Variants in SARDH observed in about 807,000 individuals in gnomAD.
SARDH encodes the protein sarcosine dehydrogenase, mitochondrial.
In SARDH, 95 loss-of-function variants were observed where a neutral mutation model predicts 109.1. That is an observed-to-expected ratio of 0.87 (90% CI 0.74 to 1.03). The LOEUF is 1.03. Ranked by LOEUF, SARDH falls within the 50% of genes least tolerant of loss-of-function variation. The pLI, the probability that SARDH is intolerant of heterozygous loss-of-function variation, is 0.00. For synonymous variants in SARDH, 572 were observed against 534.8 expected (o/e 1.07, Z -0.96); for missense variants, 1,267 against 1,287.8 (o/e 0.98, Z 0.25).
rs1829956395 is a variant in SARDH, at chr9:133,663,645, CACTT to C, written c.*240_*243del. 1 of 548,384 alleles carries C rather than the reference CACTT, an allele frequency of 1.8e-6. No individual in the cohort carries two copies. Among genetic ancestry groups the C allele is most frequent in the Non-Finnish European group, 3.2e-6 (1 of 308,824 alleles). The allele number at this position is 548,384 out of a possible 1,614,324, so 34.0% of individuals were successfully genotyped here. A position where few individuals can be genotyped will look rare whatever the true frequency, so the allele number is the denominator to read the frequency against. The stretch of plus-strand genomic sequence containing the variant: ...CAAGCCATGGTCCCTGAGCCCAAGA[CACTT>C]ACAGGTTTGCTTTCTGGGAGGATTG... On this transcript the variant is annotated 3_prime_UTR_variant, in exon 21 of 21. Transcript: ENST00000439388.
intron 16 of SARDH, among the ~76,000 whole-genome samples, chr9:133,685,560 G>A (rs1035770779): frequency 1.7e-4 from 26 of 152,182 alleles, no homozygotes; most frequent in Non-Finnish European, 2.9e-5. Flanking sequence ...ATTCTTAGAT[G>A]GGGAAGTGAG....
chr9:133,661,212 G>A (rs534217846), downstream of SARDH, among the ~76,000 whole-genome samples: 4 of 151,984 alleles, frequency 2.6e-5, no homozygotes, highest in East Asian at 3.9e-4. Context: ...GTGGTGGTGC[G>A]CGTTTGTAAT....
intron 11 of SARDH, among the ~76,000 whole-genome samples, chr9:133,708,064 C>G (rs10993773): frequency 1.3e-5 from 2 of 152,122 alleles, no homozygotes; most frequent in Non-Finnish European, 2.9e-5. Context: ...CAGAAGCCCC[C>G]GGGTGGGAGG....
chr9:133,733,003 G>A (rs536181034), intron 2 of SARDH, among the ~76,000 whole-genome samples: 2 of 152,294 alleles, frequency 1.3e-5, no homozygotes, highest in South Asian at 4.1e-4. Flanking sequence ...ACCCACTACT[G>A]AATGAAGCTT....
intron 8 of SARDH, among the ~76,000 whole-genome samples, chr9:133,716,742 G>C (rs940620895): frequency 6.7e-6 from 1 of 150,154 alleles, no homozygotes; most frequent in African/African-American, 2.5e-5. Context: ...GCCAGAGTTA[G>C]GGGAATCTTG....
chr9:133,663,983 T>C lies in SARDH; in HGVS notation c.2663A>G (p.Tyr888Cys), dbSNP rs1029382156. The C allele has an allele frequency of 6.2e-7, 1 of 1,614,158 alleles. No individual in the cohort carries two copies. The highest frequency in any genetic ancestry group is 8.5e-7 in the Non-Finnish European group (1 of 1,180,022). Residue 888 changes from tyrosine to cysteine, a missense_variant, in exon 21 of 21, where the codon TAT (tyrosine) becomes TGT (cysteine). By Grantham distance (194) the Tyr-to-Cys change is radical. Coordinates refer to ENST00000439388, the MANE Select transcript of SARDH (RefSeq NM_001134707.2). ...VSLDFVKSGDYALERMGVTYG... is the reference protein window; with the variant it reads ...VSLDFVKSGDCALERMGVTYG... Reference sequence around the variant, plus strand: ...GGTCACCCCCATTCTCTCCAGGGCATAGTCCCCGCTCTTCACAAAGTCCAG... The same window carrying C: ...GGTCACCCCCATTCTCTCCAGGGCACAGTCCCCGCTCTTCACAAAGTCCAG...
Position 133,718,647 on chromosome 9 carries a change from ACTTGTGTGCTCTCATGCC to A in SARDH, c.1020+273_1020+290del. The A allele has an allele frequency of 1.3e-6, 1 of 779,014 alleles. No homozygotes were observed. The highest frequency in any genetic ancestry group is 1.3e-5 in the South Asian group (1 of 74,600). The allele number at this position is 779,014 out of a possible 1,614,324, so 48.3% of individuals were successfully genotyped here. A position where few individuals can be genotyped will look rare whatever the true frequency, so the allele number is the denominator to read the frequency against. On this transcript the variant is annotated intron_variant, in intron 7 of 20. Coordinates refer to ENST00000439388, the MANE Select transcript of SARDH (RefSeq NM_001134707.2). This position sits in a 1 kb window ranked among gnomAD's most constrained non-coding sequence, Gnocchi z 4.2. ...AGTGTCATTTGCTGAAGGACGTAGGACTTGTGTGCTCTCATGCCCTTCTGAGGTCATCACTCCACACTG... is the reference window on the plus strand; with the variant it reads ...AGTGTCATTTGCTGAAGGACGTAGGACTTCTGAGGTCATCACTCCACACTG...
intron 20 of SARDH, among the ~76,000 whole-genome samples, chr9:133,665,989 G>A (rs538576166): frequency 2.0e-5 from 3 of 152,292 alleles, no homozygotes; most frequent in Middle Eastern, 3.4e-3. Context: ...CAGAAAGATG[G>A]GAAAAGGAGG....
In SARDH at chr9:133,692,558, C is replaced by T. The variant is rs955770253; in HGVS notation, c.1921+1700G>A. Among the ~76,000 whole-genome samples the T allele has an allele frequency of 4.6e-5, 7 of 152,132 alleles. No individual in the cohort carries two copies. The highest frequency in any genetic ancestry group is 3.3e-4 in the Admixed American group (5 of 15,280). ...CTCCTCCAGGAAGCCTTGCTCATCC[C>T]GGCTCGGCGGCTTCACATGGCCTTC... On this transcript the variant is annotated intron_variant, in intron 15 of 20. Coordinates refer to ENST00000439388, the MANE Select transcript of SARDH (RefSeq NM_001134707.2). The surrounding 1 kb of genome is among the most constrained non-coding windows in gnomAD (Gnocchi z 5.0).
In SARDH at chr9:133,689,153, G is replaced by A. The variant is rs977997716; in HGVS notation, c.2069+1227C>T. Among the ~76,000 whole-genome samples, 6 of 151,226 alleles carry A rather than the reference G, an allele frequency of 4.0e-5. No individual in the cohort carries two copies. The East Asian group carries it at 7.8e-4, about 20-fold the overall frequency. On this transcript the variant is annotated intron_variant, in intron 16 of 20. Coordinates refer to ENST00000439388, the MANE Select transcript of SARDH (RefSeq NM_001134707.2). ...TGCTACGTCAAGTGCTCACCTCGGC[G>A]ACCTTCAGGCTGGAGACTCATCTCC...
intron 6 of SARDH, among the ~76,000 whole-genome samples, chr9:133,723,721 C>T (rs1832401181): frequency 6.6e-6 from 1 of 152,186 alleles, no homozygotes; most frequent in Admixed American, 6.5e-5. Context: ...AGAGATCACA[C>T]CACTGCACTC....
Position 133,732,567 on chromosome 9 carries a change from C to T in SARDH, c.366G>A (p.Glu122=). Residue 122 remains glutamate (E), a synonymous_variant, in exon 3 of 21, where the codon GAG becomes GAA. Transcript: ENST00000439388. ...GCCGAGTGTGGGCCAGAAGCTCCAC[C>T]TCCACGTCACTGGGCCGCAGCTGCC... The part of the protein sequence containing the change: ...LLWQLRPSDV[E]VELLAHTRRV... 1 of 1,612,528 alleles carries T rather than the reference C, an allele frequency of 6.2e-7. No homozygotes were observed.
At chr9:133,697,899 A>G (rs941756540) in intron 13 of SARDH, among the ~76,000 whole-genome samples, 2 of 151,960 alleles carry the variant, frequency 1.3e-5, no homozygotes, top group East Asian at 3.8e-4. Context: ...AGCCAGGGCA[A>G]TTAGGCAGGA....
intron 8 of SARDH, among the ~76,000 whole-genome samples, chr9:133,716,276 G>A (rs1454176078): frequency 6.6e-6 from 1 of 152,246 alleles, no homozygotes; most frequent in Non-Finnish European, 1.5e-5. Context: ...CGCTGGCCCT[G>A]AGCGTGCCTG....
Position 133,704,797 on chromosome 9 carries a change from T to C in SARDH, c.1554+151A>G, listed in dbSNP as rs1390369349. 1.2e-5 allele frequency: 8 copies of C among 664,342 alleles called. No homozygotes were observed. The African/African-American group carries it at 1.3e-4, about 10-fold the overall frequency. The allele number at this position is 664,342 out of a possible 1,614,324, so 41.2% of individuals were successfully genotyped here. Reference sequence around the variant, plus strand: ...AGCCTTGGGGGCAGGTCGGCAGGGCTCGGCTTCCCGTGTGCAGAATAACTG... The same window carrying C: ...AGCCTTGGGGGCAGGTCGGCAGGGCCCGGCTTCCCGTGTGCAGAATAACTG... On this transcript the variant is annotated intron_variant, in intron 12 of 20. Transcript: ENST00000439388. This position sits in a 1 kb window ranked among gnomAD's most constrained non-coding sequence, Gnocchi z 4.5.
Position 133,734,037 on chromosome 9 carries a change from A to T in SARDH, c.137T>A (p.Leu46Gln). 1 of 1,613,254 alleles carries T rather than the reference A, an allele frequency of 6.2e-7. No homozygotes were observed. Among genetic ancestry groups the T allele is most frequent in the Non-Finnish European group, 8.5e-7 (1 of 1,179,934 alleles). Residue 46 changes from leucine (L) to glutamine (Q), a missense_variant, in exon 2 of 21, where the codon CTG (leucine) becomes CAG (glutamine). Transcript: ENST00000439388. ...AEKSVPYQRT[L>Q]KEGQGTSVVA... is the part of the protein sequence containing the mutation. The stretch of plus-strand genomic sequence containing the variant: ...CACCGAGGTGCCCTGTCCCTCCTTC[A>T]GGGTCCGCTGATATGGCACACTCTT...
chr9:133,671,496 G>A (rs371852706), intron 18 of SARDH, 39 bp downstream of exon 18: 75 of 1,508,542 alleles, frequency 5.0e-5, no homozygotes, highest in Non-Finnish European at 6.3e-5. Flanking sequence ...CCCCCACTGC[G>A]CCCGCCCCCG....
chr9:133,680,420 G>A (rs544491210), intron 17 of SARDH, among the ~76,000 whole-genome samples: 22 of 152,314 alleles, frequency 1.4e-4, no homozygotes, highest in Non-Finnish European at 2.4e-4. Context: ...ATCCCCACCC[G>A]TCTTGCTGGC....
In SARDH at chr9:133,718,383, T is replaced by TGAAAGAGGCCCTCTCC. The variant is rs1588442950; in HGVS notation, c.1020+554_1020+555insGGAGAGGGCCTCTTTC. On this transcript the variant is annotated intron_variant, in intron 7 of 20. Coordinates refer to ENST00000439388, the MANE Select transcript of SARDH (RefSeq NM_001134707.2). This position sits in a 1 kb window ranked among gnomAD's most constrained non-coding sequence, Gnocchi z 4.2. ...CACCGTGCCCAGCCATTTGTTTGTT[T>TGAAAGAGGCCCTCTCC]ATTGTATGTCTCTCCACCAAAATAT... 3 of 345,556 alleles carry TGAAAGAGGCCCTCTCC rather than the reference T, an allele frequency of 8.7e-6. No individual in the cohort carries two copies. In the East Asian group the frequency reaches 1.7e-4, roughly 20 times the overall value. The allele number at this position is 345,556 out of a possible 1,614,324, so 21.4% of individuals were successfully genotyped here. A position where few individuals can be genotyped will look rare whatever the true frequency, so the allele number is the denominator to read the frequency against.
Sources: allele counts gnomAD v4.1 joint callset (sites outside exome capture counted in the v4.1 genomes callset), GRCh38; gene constraint gnomAD v4.1.1; non-coding constraint Gnocchi (gnomAD v3.1); transcripts MANE v1.5; gene names NCBI Gene and HGNC (gene_info 2026-07-23, HGNC 2026-07-21).